The following SLC25A26 variants were observed in gnomAD, a reference collection of about 807,000 sequenced individuals.
SLC25A26 encodes the protein mitochondrial S-adenosylmethionine carrier protein.
SLC25A26 carries 36 observed loss-of-function variants against 37.8 expected under a neutral mutation model. That is an observed-to-expected ratio of 0.95 (90% CI 0.73 to 1.26). The LOEUF (loss-of-function observed/expected upper bound fraction) is 1.26. Among genes scored for constraint, SLC25A26 ranks in the 50% most tolerant of loss-of-function variants. SLC25A26 has a pLI of 0.00. For synonymous variants in SLC25A26, 129 were observed against 122.5 expected (o/e 1.05, Z -0.35); for missense variants, 390 against 331.1 (o/e 1.18, Z -1.38).
chr3:66,338,134 G>A (rs140798493), intron 5 of SLC25A26, among the ~76,000 whole-genome samples: 48 of 151,992 alleles, frequency 3.2e-4, no homozygotes, highest in African/African-American at 1.1e-3. Context: ...CTTTTGCTCA[G>A]TATAACCTGT....
intron 1 of SLC25A26, among the ~76,000 whole-genome samples, chr3:66,208,415 G>C (rs952850906): frequency 6.6e-6 from 1 of 151,886 alleles, no homozygotes; most frequent in Non-Finnish European, 1.5e-5. Context: ...AAAAGGCCCT[G>C]ATCAGGGAAA....
chr3:66,268,128 T>G (rs2073826498), intron 5 of SLC25A26, among the ~76,000 whole-genome samples: 1 of 152,248 alleles, frequency 6.6e-6, no homozygotes. Flanking sequence ...TCTTTTATAA[T>G]GATTGCATAG....
chr3:66,142,171 A>C lies in SLC25A26; in HGVS notation c.-354+8187A>C, dbSNP rs182998282. 2.9e-4 allele frequency among the ~76,000 whole-genome samples: 44 copies of C among 152,246 alleles called. No individual in the cohort carries two copies. In the East Asian group the frequency reaches 8.3e-3, roughly 29 times the overall value. ...CACTCCAGCCTCTGGGTGACTCCCA[A>C]TCTGCTTTCTGCTTCTCTAGATTTA... is the stretch of plus-strand genomic sequence containing the variant. On this transcript the variant is annotated intron_variant, in intron 1 of 10. Transcript: ENST00000676754.
intron 5 of SLC25A26, among the ~76,000 whole-genome samples, chr3:66,285,682 A>G (rs74316931): frequency 0.036 from 5,498 of 151,584 alleles, 322 homozygotes; most frequent in African/African-American, 0.13. Context: ...CTGATCTCCA[A>G]CTCCTGACCT....
intron 5 of SLC25A26, among the ~76,000 whole-genome samples, chr3:66,312,304 A>G (rs539763751): frequency 6.6e-6 from 1 of 152,234 alleles, no homozygotes; most frequent in South Asian, 2.1e-4. Flanking sequence ...CACCTACTCA[A>G]GCTTCAGTAA....
At chr3:66,187,741 C>G (rs943595054) in intron 1 of SLC25A26, among the ~76,000 whole-genome samples, 2 of 137,686 alleles carry the variant, frequency 1.5e-5, no homozygotes, top group Non-Finnish European at 3.2e-5. Flanking sequence ...CTGACCAACA[C>G]CTTGACTATG....
At chr3:66,373,673 T>C (rs1056643312) in intron 9 of SLC25A26, among the ~76,000 whole-genome samples, 4 of 119,738 alleles carry the variant, frequency 3.3e-5, no homozygotes, top group African/African-American at 1.9e-4. Flanking sequence ...TGCATGATGC[T>C]GATTTTTTTT....
Position 66,178,126 on chromosome 3 carries a change from A to G in SLC25A26, c.-353-42616A>G, listed in dbSNP as rs1427964867. On this transcript the variant is annotated intron_variant, in intron 1 of 10. Coordinates refer to the SLC25A26 transcript ENST00000676754. ...AGGGCAGCACTACTCCATATAGTCAAGTCAGATTCATGTGTAAGGAAGACA... is the reference window on the plus strand; with the variant it reads ...AGGGCAGCACTACTCCATATAGTCAGGTCAGATTCATGTGTAAGGAAGACA... Among the ~76,000 whole-genome samples the G allele has an allele frequency of 2.0e-5, 3 of 152,302 alleles. No homozygotes were observed. In the South Asian group the frequency reaches 6.2e-4, roughly 32 times the overall value.
intron 3 of SLC25A26, among the ~76,000 whole-genome samples, chr3:66,247,741 A>T (rs2072914617): frequency 6.6e-6 from 1 of 152,210 alleles, no homozygotes; most frequent in Non-Finnish European, 1.5e-5. Flanking sequence ...TCCTGAAGCC[A>T]TTCAGTATGA....
chr3:66,358,613 C>T (rs749054250), intron 6 of SLC25A26, among the ~76,000 whole-genome samples: 1 of 152,154 alleles, frequency 6.6e-6, no homozygotes, highest in East Asian at 1.9e-4. Context: ...CTTTCCTACT[C>T]GCTGTTTAAT....
At chr3:66,142,139 C>T (rs1253544425) in intron 1 of SLC25A26, among the ~76,000 whole-genome samples, 3 of 152,162 alleles carry the variant, frequency 2.0e-5, no homozygotes, top group Non-Finnish European at 4.4e-5. Context: ...CAGTTACTCC[C>T]CAACCCCACT....
chr3:66,270,730 C>T (rs551436657), intron 5 of SLC25A26, among the ~76,000 whole-genome samples: 2 of 152,150 alleles, frequency 1.3e-5, no homozygotes, highest in Non-Finnish European at 2.9e-5. Flanking sequence ...AATTATTACT[C>T]CTCAAACCTG....
chr3:66,290,911 C>G (rs2074683258), intron 5 of SLC25A26, among the ~76,000 whole-genome samples: 1 of 152,172 alleles, frequency 6.6e-6, no homozygotes, highest in Admixed American at 6.5e-5. Flanking sequence ...CTTTGTACCT[C>G]TGGTAGAATT....
intron 7 of SLC25A26, 139 bp downstream of exon 7, chr3:66,363,068 C>T (rs2076748270): frequency 1.3e-5 from 5 of 392,616 alleles, no homozygotes; most frequent in South Asian, 1.1e-4. Flanking sequence ...GAGAAAAGAA[C>T]GTGTCTTAGA....
intron 9 of SLC25A26, among the ~76,000 whole-genome samples, chr3:66,375,745 C>T (rs915195653): frequency 6.6e-5 from 10 of 151,974 alleles, no homozygotes; most frequent in African/African-American, 2.4e-4. Context: ...ACCTGGTCAC[C>T]CTGGAGTTCT....
intron 6 of SLC25A26, among the ~76,000 whole-genome samples, chr3:66,361,952 G>A (rs1349920372): frequency 6.6e-6 from 1 of 152,024 alleles, no homozygotes; most frequent in Non-Finnish European, 1.5e-5. Flanking sequence ...TCCAGCCTGG[G>A]TGACAGAGCG....
At chr3:66,260,940 G>C (rs1021996108) in intron 3 of SLC25A26, among the ~76,000 whole-genome samples, 2 of 152,200 alleles carry the variant, frequency 1.3e-5, no homozygotes, top group Non-Finnish European at 1.5e-5. Flanking sequence ...TTTAATTTTG[G>C]ACAGGCAAAG....
intron 3 of SLC25A26, among the ~76,000 whole-genome samples, chr3:66,261,325 G>T (rs1374750663): frequency 4.6e-5 from 7 of 152,144 alleles, no homozygotes; most frequent in African/African-American, 1.4e-4. Flanking sequence ...TTTGTGGGCA[G>T]AGTTCCTTTG....
At chr3:66,368,252 A>G (rs987295438) in intron 7 of SLC25A26, among the ~76,000 whole-genome samples, 1 of 152,328 alleles carries the variant, frequency 6.6e-6, no homozygotes, top group East Asian at 1.9e-4. Context: ...CCCCTAGCTC[A>G]TGGAAGCTGA....
Sources: allele counts gnomAD v4.1 joint callset (sites outside exome capture counted in the v4.1 genomes callset), GRCh38; gene constraint gnomAD v4.1.1; transcripts MANE v1.5; gene names NCBI Gene and HGNC (gene_info 2026-07-23, HGNC 2026-07-21).